The following POLR2E variants were observed in gnomAD, a reference collection of about 807,000 sequenced individuals.
POLR2E encodes DNA-directed RNA polymerases I, II, and III subunit RPABC1.
Under a neutral mutation model 29.8 loss-of-function variants are expected in POLR2E, and 35 were observed. The observed-to-expected ratio is 1.17, with a 90% confidence interval of 0.90 to 1.55. POLR2E has a LOEUF of 1.55. Among genes scored for constraint, POLR2E ranks in the 40% most tolerant of loss-of-function variants. The pLI, the probability that POLR2E is intolerant of heterozygous loss-of-function variation, is 0.00. For missense variants in POLR2E, 287 were observed against 288.6 expected (o/e 0.99, Z 0.04); for synonymous variants, 174 against 112.6 (o/e 1.55, Z -3.45).
At position 1,089,477 on chromosome 19, in the gene POLR2E, A is replaced by G; in HGVS notation, c.*9T>C. On this transcript the variant is annotated 3_prime_UTR_variant, in exon 7 of 8. Transcript: ENST00000615234. ...CTGTCCCTCGGCCGTCTCACCTGTC[A>G]GGCGGTAGCTACTGCACCAGCCGGT... is the stretch of plus-strand genomic sequence containing the variant. 6.2e-7 allele frequency: 1 copy of G among 1,610,386 alleles called. No individual in the cohort carries two copies. The highest frequency in any genetic ancestry group is 8.5e-7 in the Non-Finnish European group (1 of 1,177,048).
At chr19:1,090,040 T>A in intron 5 of POLR2E, 47 bp downstream of exon 5, 1 of 1,388,420 alleles carries the variant, frequency 7.2e-7, no homozygotes, top group Non-Finnish European at 1.0e-6. Flanking sequence ...AACGCGGAAG[T>A]CTCGAGGGAC....
In POLR2E at chr19:1,095,334, C is replaced by G; in HGVS notation, c.-19G>C. On this transcript the variant is annotated 5_prime_UTR_variant, in exon 1 of 8. Transcript: ENST00000615234. ...CGTCCATGGCAGCCTCCGCCGCCGCCGCCGCTCGCACCCCTTCTCCGCGCG... is the reference window on the plus strand; with the variant it reads ...CGTCCATGGCAGCCTCCGCCGCCGCGGCCGCTCGCACCCCTTCTCCGCGCG... The G allele has an allele frequency of 1.2e-6, 2 of 1,612,248 alleles. No homozygotes were observed. The highest frequency in any genetic ancestry group is 1.7e-5 in the Admixed American group (1 of 59,982).
chr19:1,090,002 G>GA, intron 5 of POLR2E, 40 bp from the exon 6 acceptor site: 1 of 1,541,820 alleles, frequency 6.5e-7, no homozygotes, highest in Non-Finnish European at 8.8e-7. Context: ...CAGGGCCGTT[G>GA]GGGGGGCAGG....
chr19:1,090,029 G>GC, intron 5 of POLR2E, 58 bp downstream of exon 5: 1 of 961,922 alleles, frequency 1.0e-6, no homozygotes, highest in Non-Finnish European at 1.6e-6. Flanking sequence ...TGTGGGGGGG[G>GC]AACGCGGAAG....
At position 1,088,000 on chromosome 19, in the gene POLR2E, C is replaced by G. The variant is rs1190274106; in HGVS notation, c.*735G>C. The G allele has an allele frequency of 6.6e-6, 1 of 152,444 alleles. No individual in the cohort carries two copies. 9.4% of individuals were successfully genotyped at this position (152,444 alleles called of 1,614,324 possible). On this transcript the variant is annotated 3_prime_UTR_variant, in exon 8 of 8. Coordinates refer to ENST00000615234, the MANE Select transcript of POLR2E (RefSeq NM_002695.5). Reference sequence around the variant, plus strand: ...CCCTCACGGGAAGGGAAGAGACAGACACGCTCACGCCTTACCCAGGAGCAC... The same window carrying G: ...CCCTCACGGGAAGGGAAGAGACAGAGACGCTCACGCCTTACCCAGGAGCAC...
intron 2 of POLR2E, 31 bp downstream of exon 2, chr19:1,093,873 C>T (rs751633918): frequency 5.2e-6 from 8 of 1,539,776 alleles, no homozygotes; most frequent in Non-Finnish European, 3.5e-6. Context: ...CTGGTGGCTT[C>T]ACCGGAACTC....
chr19:1,095,119 A>AC lies in POLR2E; in HGVS notation c.57+139dup, dbSNP rs2043912781. ...GGTCCAGCGCCTGGTATCCCCGGCG[A>AC]CCTCTGGGCCTCCCGTATCGGCCCG... On this transcript the variant is annotated intron_variant, in intron 1 of 7. Coordinates refer to ENST00000615234, the MANE Select transcript of POLR2E (RefSeq NM_002695.5). The AC allele has an allele frequency of 7.2e-6, 6 of 827,988 alleles. No individual in the cohort carries two copies. The South Asian group carries it at 1.1e-4, about 15-fold the overall frequency. 51.3% of individuals were successfully genotyped at this position (827,988 alleles called of 1,614,324 possible).
intron 3 of POLR2E, chr19:1,091,573 T>A: frequency 3.5e-6 from 2 of 569,178 alleles, no homozygotes; most frequent in Non-Finnish European, 6.3e-6. Flanking sequence ...CTGACGCCCC[T>A]CCTGAGAGCT....
intron 2 of POLR2E, 58 bp from the exon 3 acceptor site, chr19:1,091,965 CCCAGAGCCCAG>C: frequency 8.9e-7 from 1 of 1,121,886 alleles, no homozygotes. Context: ...CCCTCGCCCA[CCCAGAGCCCAG>C]AGCACCCAGG....
At chr19:1,092,838 G>A (rs35665378) in intron 2 of POLR2E, among the ~76,000 whole-genome samples, 16,759 of 139,254 alleles carry the variant, frequency 0.12, 1,062 homozygotes, top group Middle Eastern at 0.16. Flanking sequence ...CTGAGATTGC[G>A]CCACTGCACA....
At chr19:1,094,626 G>C (rs891828166) in intron 1 of POLR2E, 1 of 156,870 alleles carries the variant, frequency 6.4e-6, no homozygotes, top group African/African-American at 2.4e-5. Flanking sequence ...GAATCAGGCT[G>C]CGGGGGGCTT....
chr19:1,090,263 A>G, intron 4 of POLR2E, 118 bp from the exon 5 acceptor site: 2 of 860,888 alleles, frequency 2.3e-6, no homozygotes, highest in Non-Finnish European at 3.8e-6. Context: ...CCCCACCCCG[A>G]TCCCCGGCAC....
In POLR2E at chr19:1,091,026, C is replaced by T. The variant is rs771062090; in HGVS notation, c.349-38G>A. 1.7e-5 allele frequency: 26 copies of T among 1,567,646 alleles called. No individual in the cohort carries two copies. The African/African-American group carries it at 3.3e-4, about 20-fold the overall frequency. On this transcript the variant is annotated intron_variant, in intron 3 of 7. Coordinates refer to ENST00000615234, the MANE Select transcript of POLR2E (RefSeq NM_002695.5). ...GGCTCTAAGGCACGGCCCGGAGGGG[C>T]CCAGACAACCCCAACCCCATTTCCT...
chr19:1,095,075 C>T (rs2043912090), intron 1 of POLR2E, 184 bp downstream of exon 1: 1 of 602,568 alleles, frequency 1.7e-6, no homozygotes. Flanking sequence ...CCTCCCTTCC[C>T]CGCTGCCGGC....
chr19:1,089,701 G>T, intron 6 of POLR2E, 150 bp from the exon 7 acceptor site: 5 of 799,644 alleles, frequency 6.3e-6, no homozygotes, highest in Non-Finnish European at 1.0e-5. Context: ...TGGGAACCTG[G>T]GTCACGCTCT....
intron 7 of POLR2E, 24 bp downstream of exon 7, chr19:1,089,446 CAG>C: frequency 6.6e-7 from 1 of 1,519,798 alleles, no homozygotes. Context: ...GACCCCACCT[CAG>C]TGCCTGTCCC....
In POLR2E at chr19:1,086,718, C is replaced by G. The variant is rs375640630; in HGVS notation, c.*2017G>C. The G allele has an allele frequency of 6.6e-6, 1 of 151,932 alleles. No homozygotes were observed. Among genetic ancestry groups the G allele is most frequent in the East Asian group, 1.9e-4 (1 of 5,322 alleles). 9.4% of individuals were successfully genotyped at this position (151,932 alleles called of 1,614,324 possible). On this transcript the variant is annotated 3_prime_UTR_variant, in exon 8 of 8. Transcript: ENST00000615234. ...GCCAGGGAGGGGACAGAGAGAGCCC[C>G]GTGGCGTGGCCCTGGGCCTCCCCCT...
Position 1,089,967 on chromosome 19 carries a change from G to C in POLR2E, c.489-5C>G. On this transcript the variant is annotated splice_polypyrimidine_tract_variant and splice_region_variant and intron_variant, in intron 5 of 7. Transcript: ENST00000615234. ...AGCTGGTTCTCTCGGAGCTTACTGC[G>C]AAGCACCGTCAGGAAAATGCCAGAC... 1.3e-6 allele frequency: 2 copies of C among 1,534,548 alleles called. No individual in the cohort carries two copies. Among genetic ancestry groups the C allele is most frequent in the Non-Finnish European group, 1.8e-6 (2 of 1,133,834 alleles).
chr19:1,091,066 G>T, intron 3 of POLR2E, 78 bp from the exon 4 acceptor site: 1 of 1,287,220 alleles, frequency 7.8e-7, no homozygotes, highest in Non-Finnish European at 1.1e-6. Context: ...CAAGCTACCT[G>T]GGGCTTACTC....
Sources: gnomAD v4.1 joint callset for allele counts (sites outside exome capture counted in the v4.1 genomes callset) on GRCh38, gnomAD v4.1.1 for gene constraint, MANE v1.5 for transcripts, NCBI Gene and HGNC (gene_info 2026-07-23, HGNC 2026-07-21) for gene names.